Variants in AGBL1 observed in about 807,000 individuals in gnomAD.
AGBL1 encodes AGBL carboxypeptidase 1, also known as cytosolic carboxypeptidase 4.
AGBL1 carries 130 observed loss-of-function variants against 118.9 expected under a neutral mutation model. The ratio of observed to expected loss-of-function variants is 1.09; its 90% CI spans 0.95 to 1.26. The LOEUF (loss-of-function observed/expected upper bound fraction) is 1.26, where lower values mean the gene tolerates loss of function less well. Among genes scored for constraint, AGBL1 ranks in the 50% most tolerant of loss-of-function variants. The pLI, the probability that AGBL1 is intolerant of heterozygous loss-of-function variation, is 0.00. For synonymous variants in AGBL1, 555 were observed against 478.9 expected (o/e 1.16, Z -2.08); for missense variants, 1,584 against 1,298.1 (o/e 1.22, Z -3.38).
chr15:86,295,474 A>T lies in AGBL1; in HGVS notation c.2374+66A>T, dbSNP rs1253271810. 1.5e-5 allele frequency: 22 copies of T among 1,464,148 alleles called. 1 individual carries two copies. The South Asian group carries it at 2.7e-4, about 18-fold the overall frequency. 90.7% of individuals were successfully genotyped at this position (1,464,148 alleles called of 1,614,324 possible). ...GGGTGTCCTTTATAGTCTTGGAAGC[A>T]TTCTGTCTCTTTTAGATCAAAAGCT... On this transcript the variant is annotated intron_variant, in intron 17 of 22. Transcript: ENST00000614907.
In AGBL1 at chr15:86,396,243, G is replaced by GTGTGTATA. The variant is rs928214589; in HGVS notation, c.2375-1122_2375-1121insGTGTATAT. Among the ~76,000 whole-genome samples, 365 of 126,622 alleles carry GTGTGTATA rather than the reference G, an allele frequency of 2.9e-3. 3 individuals are homozygous for GTGTGTATA. The highest frequency in any genetic ancestry group is 0.011 in the African/African-American group (350 of 32,410). 83.1% of individuals were successfully genotyped at this position (126,622 alleles called of 152,430 possible). ...TATATATATGTGTGTGTGTGTGTGT[G>GTGTGTATA]TATATATATATATATATATACACAC... On this transcript the variant is annotated intron_variant, in intron 17 of 22. Coordinates refer to ENST00000614907, the MANE Select transcript of AGBL1 (RefSeq NM_001386094.1).
intron 17 of AGBL1, among the ~76,000 whole-genome samples, chr15:86,352,264 C>T (rs2080639616): frequency 6.6e-6 from 1 of 152,100 alleles, no homozygotes; most frequent in Non-Finnish European, 1.5e-5. Flanking sequence ...TGAACTCTGA[C>T]CAACTAGAAA....
chr15:86,328,863 A>G (rs985993797), intron 17 of AGBL1, among the ~76,000 whole-genome samples: 1 of 152,208 alleles, frequency 6.6e-6, no homozygotes, highest in Non-Finnish European at 1.5e-5. Flanking sequence ...TTCAGGACCA[A>G]GGACAGGACA....
At chr15:86,544,524 G>A (rs1379570118) in intron 19 of AGBL1, among the ~76,000 whole-genome samples, 1 of 152,178 alleles carries the variant, frequency 6.6e-6, no homozygotes, top group Non-Finnish European at 1.5e-5. Flanking sequence ...CACATGGCTG[G>A]GGAGGCCTCA....
At chr15:86,116,983 A>G (rs1170117889) in intron 1 of AGBL1, among the ~76,000 whole-genome samples, 1 of 142,826 alleles carries the variant, frequency 7.0e-6, no homozygotes, top group Non-Finnish European at 1.5e-5. Context: ...TTTTCGTGTT[A>G]CTTAGGCCAG....
At chr15:86,772,838 C>T (rs1021685467) in intron 22 of AGBL1, among the ~76,000 whole-genome samples, 1 of 152,052 alleles carries the variant, frequency 6.6e-6, no homozygotes, top group African/African-American at 2.4e-5. Context: ...AACATGCATG[C>T]TATTGCTGAC....
At chr15:86,101,898 T>C (rs1190209054) in intron 1 of AGBL1, among the ~76,000 whole-genome samples, 1 of 152,228 alleles carries the variant, frequency 6.6e-6, no homozygotes, top group East Asian at 1.9e-4. Context: ...TGAGGGCTTA[T>C]TCCTGTCATT....
chr15:86,729,690 G>C (rs144623687), intron 22 of AGBL1, among the ~76,000 whole-genome samples: 35 of 152,260 alleles, frequency 2.3e-4, no homozygotes, highest in African/African-American at 8.2e-4. Context: ...GAGCATCTAG[G>C]TTGACTCCAT....
chr15:86,326,790 G>A (rs1165938286), intron 17 of AGBL1, among the ~76,000 whole-genome samples: 2 of 152,206 alleles, frequency 1.3e-5, no homozygotes, highest in Non-Finnish European at 2.9e-5. Flanking sequence ...GATCAGAAGT[G>A]CAGCCAAGAC....
intron 23 of AGBL1, among the ~76,000 whole-genome samples, chr15:86,949,711 T>C (rs763410846): frequency 1.7e-4 from 26 of 151,908 alleles, no homozygotes; most frequent in Admixed American, 1.2e-3. Context: ...AAGAAAAGAG[T>C]AAAAAAGGTT....
chr15:86,584,318 G>A (rs1181440951), intron 21 of AGBL1, among the ~76,000 whole-genome samples: 1 of 152,164 alleles, frequency 6.6e-6, no homozygotes, highest in East Asian at 1.9e-4. Flanking sequence ...TTAGTTTAAG[G>A]TGTTACATTT....
intron 21 of AGBL1, among the ~76,000 whole-genome samples, chr15:86,612,267 G>A (rs967775530): frequency 1.3e-5 from 2 of 152,052 alleles, no homozygotes; most frequent in Non-Finnish European, 2.9e-5. Context: ...AGCACAATAT[G>A]CCACCCCAAA....
intron 18 of AGBL1, 77 bp from the exon 19 acceptor site, chr15:86,522,733 T>C (rs1384500374): frequency 4.6e-6 from 7 of 1,512,326 alleles, no homozygotes; most frequent in African/African-American, 1.4e-5. Context: ...GTTTAATTGT[T>C]TATCTTGTGG....
intron 18 of AGBL1, among the ~76,000 whole-genome samples, chr15:86,443,920 T>G (rs1016640554): frequency 2.6e-5 from 4 of 152,196 alleles, no homozygotes; most frequent in African/African-American, 9.6e-5. Flanking sequence ...AACATAAGGG[T>G]GCAGGTATCA....
At chr15:86,961,497 C>T (rs943224157) in intron 23 of AGBL1, among the ~76,000 whole-genome samples, 1 of 151,940 alleles carries the variant, frequency 6.6e-6, no homozygotes. Flanking sequence ...CAAACGAGAC[C>T]TGGGGCTTCA....
chr15:86,786,622 T>C (rs2141320675), intron 22 of AGBL1, among the ~76,000 whole-genome samples: 1 of 152,314 alleles, frequency 6.6e-6, no homozygotes, highest in East Asian at 1.9e-4. Flanking sequence ...ATTCTAAATT[T>C]AGCTTTTACC....
chr15:86,754,685 C>T (rs34017168), intron 22 of AGBL1, among the ~76,000 whole-genome samples: 4 of 151,914 alleles, frequency 2.6e-5, no homozygotes, highest in South Asian at 4.2e-4. Flanking sequence ...TCTTCCACTC[C>T]GGTGTTCAAT....
rs115294330 is a variant in AGBL1, at chr15:86,625,087, G to A, written c.2995-49186G>A. On this transcript the variant is annotated intron_variant, in intron 21 of 22. Transcript: ENST00000614907. ...CATAGACCTCCAGTCATTCGACCAG[G>A]TTTGTTCCTGGAAGGATCTGCATCA... is the stretch of plus-strand genomic sequence containing the variant. 2.3e-3 allele frequency among the ~76,000 whole-genome samples: 348 copies of A among 152,240 alleles called. 1 individual carries two copies. The highest frequency in any genetic ancestry group is 8.0e-3 in the African/African-American group (331 of 41,566).
intron 1 of AGBL1, among the ~76,000 whole-genome samples, chr15:86,122,432 T>C (rs952754515): frequency 7.2e-5 from 11 of 152,138 alleles, no homozygotes; most frequent in African/African-American, 2.4e-4. Context: ...CTAGACATAG[T>C]GACTGGCTTC....
Sources: allele counts gnomAD v4.1 joint callset (sites outside exome capture counted in the v4.1 genomes callset), GRCh38; gene constraint gnomAD v4.1.1; transcripts MANE v1.5; gene names NCBI Gene and HGNC (gene_info 2026-07-23, HGNC 2026-07-21).